Variants in LATS2 observed in about 807,000 individuals in gnomAD.
The protein encoded by LATS2 is serine/threonine-protein kinase LATS2.
A neutral mutation model predicts 76.0 loss-of-function variants in LATS2; 24 were observed. The observed-to-expected ratio is 0.32, with a 90% CI of 0.23 to 0.44. The LOEUF (loss-of-function observed/expected upper bound fraction) is 0.44. LATS2 is among the 20% of genes least tolerant of loss of function. LATS2 has a pLI of 1.00. For missense variants in LATS2, 1,286 were observed against 1,481.2 expected (o/e 0.87, Z 2.16); for synonymous variants, 692 against 635.4 (o/e 1.09, Z -1.34).
At chr13:21,023,973 C>G (rs1050221059) in intron 2 of LATS2, among the ~76,000 whole-genome samples, 1 of 148,298 alleles carries the variant, frequency 6.7e-6, no homozygotes, top group African/African-American at 2.5e-5. Flanking sequence ...AACTCCCTCT[C>G]AAGAAAAAAC....
At chr13:21,035,332 C>T (rs1226184931) in intron 2 of LATS2, among the ~76,000 whole-genome samples, 1 of 151,940 alleles carries the variant, frequency 6.6e-6, no homozygotes, top group African/African-American at 2.4e-5. Flanking sequence ...TTGTTAAATG[C>T]CATAAAACAT....
rs1258480287 is a variant in LATS2 at position 20,991,555 on chromosome 13, G to A, written c.343-151C>T. On this transcript the variant is annotated intron_variant, in intron 2 of 7. Transcript: ENST00000382592. The surrounding 1 kb of genome is among the most constrained non-coding windows in gnomAD (Gnocchi z 4.9). Reference sequence around the variant, plus strand: ...ATATGCTGCAGGAGACCCTCAGAATGAGTGCAGGTGGCTGTGTGCCCTGCA... The same window carrying A: ...ATATGCTGCAGGAGACCCTCAGAATAAGTGCAGGTGGCTGTGTGCCCTGCA... 8 of 861,262 alleles carry A rather than the reference G, an allele frequency of 9.3e-6. No individual in the cohort carries two copies. The highest frequency in any genetic ancestry group is 5.2e-5 in the Admixed American group (2 of 38,568). The allele number at this position is 861,262 out of a possible 1,614,324, so 53.4% of individuals were successfully genotyped here.
In LATS2 at chr13:20,988,055, G is replaced by A; in HGVS notation, c.1725C>T (p.Thr575=). The change falls in exon 4 of 8, where the codon ACC becomes ACT. Residue 575 remains threonine (T), a synonymous_variant. Coordinates refer to ENST00000382592, the MANE Select transcript of LATS2 (RefSeq NM_014572.3). The part of the protein sequence containing the change: ...KGGKDKKQIQ[T]SPVPVRKNSR... ...TGTTTTTGCGGACGGGAACGGGAGAGGTCTGAATCTGCTTTTTATCCTTTC... is the reference window on the plus strand; with the variant it reads ...TGTTTTTGCGGACGGGAACGGGAGAAGTCTGAATCTGCTTTTTATCCTTTC... 1 of 1,614,238 alleles carries A rather than the reference G, an allele frequency of 6.2e-7. No homozygotes were observed. Among genetic ancestry groups the A allele is most frequent in the South Asian group, 1.1e-5 (1 of 91,080 alleles).
chr13:20,997,577 C>T (rs1046206700), intron 2 of LATS2, among the ~76,000 whole-genome samples: 2 of 152,230 alleles, frequency 1.3e-5, no homozygotes, highest in East Asian at 1.9e-4. Flanking sequence ...ATTTAATGAT[C>T]TTCTCTGCTG....
chr13:21,051,294 G>A (rs1330975875), intron 1 of LATS2, among the ~76,000 whole-genome samples: 1 of 152,214 alleles, frequency 6.6e-6, no homozygotes, highest in Admixed American at 6.5e-5. Flanking sequence ...AGACTGATTT[G>A]CCTCTGACTT....
chr13:21,010,072 T>C (rs1190014059), intron 2 of LATS2, among the ~76,000 whole-genome samples: 1 of 152,016 alleles, frequency 6.6e-6, no homozygotes, highest in Non-Finnish European at 1.5e-5. Flanking sequence ...TGGTGGTGTG[T>C]GCCTGAAATC....
At chr13:21,015,725 A>C (rs1871770457) in intron 2 of LATS2, among the ~76,000 whole-genome samples, 1 of 152,136 alleles carries the variant, frequency 6.6e-6, no homozygotes, top group African/African-American at 2.4e-5. Flanking sequence ...TTTGAGACGG[A>C]GTCTCACTCT....
intron 2 of LATS2, among the ~76,000 whole-genome samples, chr13:21,021,333 T>G: frequency 6.6e-6 from 1 of 151,210 alleles, no homozygotes; most frequent in Non-Finnish European, 1.5e-5. Flanking sequence ...ATTAGACGGG[T>G]GTGGTGGTGC....
chr13:21,031,833 G>A (rs1872537990), intron 2 of LATS2, among the ~76,000 whole-genome samples: 1 of 152,150 alleles, frequency 6.6e-6, no homozygotes, highest in South Asian at 2.1e-4. Context: ...TCCGGCCTGG[G>A]TGACAGAGCA....
chr13:21,017,471 G>A (rs1176973037), intron 2 of LATS2, among the ~76,000 whole-genome samples: 1 of 151,942 alleles, frequency 6.6e-6, no homozygotes, highest in African/African-American at 2.4e-5. Flanking sequence ...CACCACACCT[G>A]GATGATTCTT....
chr13:21,043,446 T>A (rs1158183640), intron 2 of LATS2, among the ~76,000 whole-genome samples: 1 of 152,228 alleles, frequency 6.6e-6, no homozygotes. Flanking sequence ...TGGGTTCACA[T>A]AATGACTTTC....
chr13:21,027,384 T>A (rs1221886144), intron 2 of LATS2, among the ~76,000 whole-genome samples: 1 of 152,238 alleles, frequency 6.6e-6, no homozygotes, highest in Non-Finnish European at 1.5e-5. Context: ...TTTTTGTGAA[T>A]GGTGTGAGGT....
intron 2 of LATS2, among the ~76,000 whole-genome samples, chr13:21,027,808 G>A (rs1020488779): frequency 1.3e-5 from 2 of 152,006 alleles, no homozygotes; most frequent in African/African-American, 2.4e-5. Context: ...AAATAAACCT[G>A]CTGAGATTGT....
chr13:20,974,736 A>T lies in LATS2; in HGVS notation c.*134T>A. 1.1e-6 allele frequency: 1 copy of T among 939,116 alleles called. No individual in the cohort carries two copies. Among genetic ancestry groups the T allele is most frequent in the Non-Finnish European group, 1.6e-6 (1 of 642,216 alleles). The allele number at this position is 939,116 out of a possible 1,614,324, so 58.2% of individuals were successfully genotyped here. On this transcript the variant is annotated 3_prime_UTR_variant, in exon 8 of 8. Transcript: ENST00000382592. ...TGTTTGGGTTTTCTTGGTGAAGAGC[A>T]GAATTTCAAGTGAAGTAATCGACGG...
intron 5 of LATS2, among the ~76,000 whole-genome samples, chr13:20,982,307 TTTTA>T (rs1269924759): frequency 5.9e-5 from 9 of 152,202 alleles, no homozygotes; most frequent in Non-Finnish European, 4.4e-5. Flanking sequence ...GCTGTGACTC[TTTTA>T]TTTATTTTAT....
chr13:20,987,768 C>G (rs898433078), intron 4 of LATS2, 113 bp downstream of exon 4: 2 of 1,245,338 alleles, frequency 1.6e-6, no homozygotes, highest in African/African-American at 3.0e-5. Flanking sequence ...GCCCATTAGC[C>G]GTTTTGATGA....
chr13:20,999,828 G>C (rs2138315475), intron 2 of LATS2, among the ~76,000 whole-genome samples: 1 of 141,472 alleles, frequency 7.1e-6, no homozygotes, highest in Admixed American at 7.6e-5. Context: ...GACCAGCCTG[G>C]ACAATGTGGT....
At position 20,980,734 on chromosome 13, in the gene LATS2, T is replaced by C. The variant is rs567747975; in HGVS notation, c.2665+732A>G. Among the ~76,000 whole-genome samples the C allele has an allele frequency of 2.6e-5, 4 of 152,334 alleles. No individual in the cohort carries two copies. The East Asian group carries it at 7.7e-4, about 29-fold the overall frequency. The stretch of plus-strand genomic sequence containing the variant: ...GTGGTCTGAGTAGTTAAGTAACTTG[T>C]GCTGGATTACCACAGCTAGCAAAGA... On this transcript the variant is annotated intron_variant, in intron 6 of 7. Coordinates refer to ENST00000382592, the MANE Select transcript of LATS2 (RefSeq NM_014572.3).
chr13:20,981,412 C>G, intron 6 of LATS2, 54 bp downstream of exon 6: 1 of 1,515,152 alleles, frequency 6.6e-7, no homozygotes, highest in African/African-American at 1.4e-5. Context: ...AGACTCAGCT[C>G]ACGTCTGAAG....
Sources: allele counts gnomAD v4.1 joint callset (sites outside exome capture counted in the v4.1 genomes callset), GRCh38; gene constraint gnomAD v4.1.1; non-coding constraint Gnocchi (gnomAD v3.1); transcripts MANE v1.5; gene names NCBI Gene and HGNC (gene_info 2026-07-23, HGNC 2026-07-21).